SLC25A53: variants seen among roughly 807,000 people sequenced by gnomAD.
SLC25A53 encodes the protein solute carrier family 25 member 53.
SLC25A53 carries 5 observed loss-of-function variants against 15.0 expected under a neutral mutation model. The observed-to-expected ratio is 0.33, with a 90% CI of 0.17 to 0.70. SLC25A53 has a LOEUF of 0.70. SLC25A53 is among the 30% of genes least tolerant of loss of function. The pLI, the probability that SLC25A53 is intolerant of heterozygous loss-of-function variation, is 0.67. For synonymous variants in SLC25A53, 95 were observed against 100.0 expected, an observed-to-expected ratio of 0.95 and a Z score of 0.30; for missense variants, 216 against 241.6, an observed-to-expected ratio of 0.89 and a Z score of 0.70.
chrX:104,142,284 C>T (rs1556367711), intron 1 of SLC25A53, among the ~76,000 whole-genome samples: 3 of 111,781 alleles, frequency 2.7e-5, no homozygotes, highest in Non-Finnish European at 5.6e-5. Context: ...AAGAATGAAA[C>T]TTCCATACAT....
At chrX:104,112,330 T>C (rs1556359155) in intron 1 of SLC25A53, 4 of 113,025 alleles carry the variant, frequency 3.5e-5, no homozygotes, top group African/African-American at 1.3e-4. Flanking sequence ...GAAAGGGAAA[T>C]GGGCCCAGTC....
At chrX:104,138,242 A>G (rs1465269862) in intron 1 of SLC25A53, among the ~76,000 whole-genome samples, 7 of 108,733 alleles carry the variant, frequency 6.4e-5, no homozygotes, top group African/African-American at 2.4e-4. Context: ...CGGCGTCTCT[A>G]CAAAAAAAAA....
At chrX:104,123,592 G>T (rs954599104) in intron 1 of SLC25A53, among the ~76,000 whole-genome samples, 13 of 107,582 alleles carry the variant, frequency 1.2e-4, no homozygotes, top group African/African-American at 4.4e-4. Context: ...TATACTTTAA[G>T]TTCTGGGATA....
intron 1 of SLC25A53, among the ~76,000 whole-genome samples, chrX:104,125,336 G>A (rs1395645840): frequency 9.0e-6 from 1 of 111,575 alleles, no homozygotes; most frequent in Non-Finnish European, 1.9e-5. Flanking sequence ...TGTCTGCTGT[G>A]CTAAAATAAA....
intron 1 of SLC25A53, among the ~76,000 whole-genome samples, chrX:104,123,736 C>T (rs1195997528): frequency 9.1e-6 from 1 of 109,981 alleles, no homozygotes; most frequent in African/African-American, 3.3e-5. Context: ...CAACAGGCCC[C>T]GTTGTGTGAT....
At chrX:104,114,373 A>G in intron 1 of SLC25A53, 2 of 1,211,952 alleles carry the variant, frequency 1.7e-6, no homozygotes, top group Non-Finnish European at 2.2e-6. Flanking sequence ...GCGCTTGATG[A>G]AAACACTTAG....
rs1230489802 is a variant in SLC25A53 at position 104,126,651 on chromosome X, C to CA, written c.-31-21364dup. Among the ~76,000 whole-genome samples the CA allele has an allele frequency of 1.8e-3, 189 of 104,769 alleles. 1 individual carries two copies. The highest frequency in any genetic ancestry group is 5.9e-3 in the African/African-American group (168 of 28,602). 91.0% of individuals were successfully genotyped at this position (104,769 alleles called of 115,157 possible). On this transcript the variant is annotated intron_variant, in intron 1 of 1. Coordinates refer to ENST00000594199, the MANE Select transcript of SLC25A53 (RefSeq NM_001012755.5). ...GGGTGACAGAGTGAGACCCTGTCTC[C>CA]AAAAAAAAAGTAAAAAATAGATTCC...
chrX:104,144,167 G>A (rs1352100684), intron 1 of SLC25A53, among the ~76,000 whole-genome samples: 1 of 111,819 alleles, frequency 8.9e-6, no homozygotes, highest in African/African-American at 3.2e-5. Context: ...TAAGACCATC[G>A]ACGCTATGAA....
At position 104,104,628 on chromosome X, in the gene SLC25A53, G is replaced by C. The variant is rs782090365; in HGVS notation, c.630C>G (p.His210Gln). Reference sequence around the variant, plus strand: ...TACCAGACACCAAGGCAGGAACCCAGTGGGGCAGGCCTTGCTCTGCCAGGC... The same window carrying C: ...TACCAGACACCAAGGCAGGAACCCACTGGGGCAGGCCTTGCTCTGCCAGGC... ...QDGLAEQGLP[H>Q]WVPALVSGSV... The change falls in exon 2 of 2, where the codon CAC (histidine) becomes CAG (glutamine). Residue 210 changes from histidine (H) to glutamine (Q), a missense_variant. Coordinates refer to ENST00000594199, the MANE Select transcript of SLC25A53 (RefSeq NM_001012755.5). 8.3e-7 allele frequency: 1 copy of C among 1,211,863 alleles called. No homozygotes were observed. The highest frequency in any genetic ancestry group is 2.2e-5 in the Admixed American group (1 of 46,072).
intron 1 of SLC25A53, chrX:104,113,640 G>C (rs1480180121): frequency 8.4e-6 from 1 of 118,792 alleles, no homozygotes; most frequent in African/African-American, 3.2e-5. Context: ...GAGGCCATGA[G>C]GTTAATGGTT....
intron 1 of SLC25A53, among the ~76,000 whole-genome samples, chrX:104,155,277 T>G (rs1176653482): frequency 1.8e-5 from 2 of 110,111 alleles, no homozygotes; most frequent in African/African-American, 6.6e-5. Flanking sequence ...CCAGGAGATA[T>G]TCTTTCCAAT....
chrX:104,149,298 T>G (rs1159278970), intron 1 of SLC25A53, among the ~76,000 whole-genome samples: 2 of 112,809 alleles, frequency 1.8e-5, no homozygotes, highest in Non-Finnish European at 3.7e-5. Flanking sequence ...AAACAACCAT[T>G]TTACTTTGTT....
chrX:104,137,706 T>C (rs2075440332), intron 1 of SLC25A53, among the ~76,000 whole-genome samples: 2 of 111,602 alleles, frequency 1.8e-5, no homozygotes, highest in African/African-American at 6.5e-5. Flanking sequence ...CAATCAGGGC[T>C]ATGCTATATG....
At chrX:104,156,055 C>CAA (rs11323988) in intron 1 of SLC25A53, among the ~76,000 whole-genome samples, 429 of 34,137 alleles carry the variant, frequency 0.013, 4 homozygotes, top group African/African-American at 0.031. Context: ...GACTCCTTAT[C>CAA]AAAAAAAAAA....
intron 1 of SLC25A53, among the ~76,000 whole-genome samples, chrX:104,140,510 T>G (rs1256345390): frequency 9.0e-6 from 1 of 111,447 alleles, no homozygotes; most frequent in Non-Finnish European, 1.9e-5. Flanking sequence ...TCTTGCTCAC[T>G]CTGTAGAACT....
intron 1 of SLC25A53, chrX:104,130,739 A>G (rs1216451628): frequency 9.1e-6 from 1 of 110,301 alleles, no homozygotes; most frequent in Non-Finnish European, 1.9e-5. Context: ...CCATCAGCAT[A>G]TGCACACTCC....
chrX:104,123,537 ATTTG>A (rs200149747), intron 1 of SLC25A53, among the ~76,000 whole-genome samples: 1,124 of 98,695 alleles, frequency 0.011, 12 homozygotes, highest in African/African-American at 0.023. Context: ...TAGTTTGCTG[ATTTG>A]TTTATTTTTT....
chrX:104,115,134 G>A, intron 1 of SLC25A53: 1 of 1,206,222 alleles, frequency 8.3e-7, no homozygotes, highest in Non-Finnish European at 1.1e-6. Context: ...GTAGAGCCAG[G>A]AAGCGAAAAT....
chrX:104,119,353 G>A (rs1556362222), intron 1 of SLC25A53, among the ~76,000 whole-genome samples: 1 of 112,108 alleles, frequency 8.9e-6, no homozygotes, highest in Non-Finnish European at 1.9e-5. Context: ...CTGGGTTGGA[G>A]AGAACTTTCT....
Sources: allele counts gnomAD v4.1 joint callset (sites outside exome capture counted in the v4.1 genomes callset), GRCh38; gene constraint gnomAD v4.1.1; transcripts MANE v1.5; gene names NCBI Gene and HGNC (gene_info 2026-07-23, HGNC 2026-07-21).